ZFP1: variants seen among roughly 807,000 people sequenced by gnomAD.
ZFP1 encodes zinc finger protein 1 homolog.
In ZFP1, 32 loss-of-function variants were observed where a neutral mutation model predicts 38.5. That is an observed-to-expected ratio of 0.83 (90% CI 0.63 to 1.12). ZFP1 has a LOEUF of 1.12. Ranked by LOEUF, ZFP1 falls within the 50% of genes most tolerant of loss-of-function variation. ZFP1 has a pLI of 0.00. For synonymous variants in ZFP1, 245 were observed against 168.8 expected (o/e 1.45, Z -3.50); for missense variants, 616 against 480.8 (o/e 1.28, Z -2.63).
chr16:75,170,542 C>A lies in ZFP1; in HGVS notation c.*208C>A. Reference sequence around the variant, plus strand: ...TAAAGAATACATATCAGAATATATCCAGTTGTAAATAGCCATACCCAGTTG... The same window carrying A: ...TAAAGAATACATATCAGAATATATCAAGTTGTAAATAGCCATACCCAGTTG... On this transcript the variant is annotated 3_prime_UTR_variant, in exon 4 of 4. Transcript: ENST00000570010. 1 of 704,776 alleles carries A rather than the reference C, an allele frequency of 1.4e-6. No individual in the cohort carries two copies. Among genetic ancestry groups the A allele is most frequent in the Non-Finnish European group, 2.1e-6 (1 of 484,380 alleles). 43.7% of individuals were successfully genotyped at this position (704,776 alleles called of 1,614,324 possible).
At chr16:75,162,568 G>C (rs1172060959) in intron 2 of ZFP1, among the ~76,000 whole-genome samples, 1 of 152,114 alleles carries the variant, frequency 6.6e-6, no homozygotes, top group Non-Finnish European at 1.5e-5. Context: ...GTGCAGATTT[G>C]TTACATAGAT....
At chr16:75,165,403 G>A (rs1403836194) in intron 2 of ZFP1, among the ~76,000 whole-genome samples, 3 of 151,958 alleles carry the variant, frequency 2.0e-5, no homozygotes, top group Non-Finnish European at 4.4e-5. Context: ...TTTCCTCTGG[G>A]TTTTTTTCTG....
At chr16:75,131,373 C>T in the ZFP1 span, among the ~76,000 whole-genome samples, 2 of 152,106 alleles carry the variant, frequency 1.3e-5, no homozygotes, top group African/African-American at 2.4e-5. Flanking sequence ...TTCATATTCA[C>T]CCTCCCCGGG....
chr16:75,139,387 A>AAAAAAAAAAAAAACAAAAAC, the ZFP1 span, among the ~76,000 whole-genome samples: 6 of 144,224 alleles, frequency 4.2e-5, no homozygotes, highest in African/African-American at 1.7e-4. Flanking sequence ...AAAAAAAAAA[A>AAAAAAAAAAAAAACAAAAAC]AAAAAAAAAC....
chr16:75,169,494 A>G lies in ZFP1; in HGVS notation c.384A>G (p.Gly128=), dbSNP rs1292324265. The G allele has an allele frequency of 1.2e-6, 2 of 1,613,238 alleles. No individual in the cohort carries two copies. Among genetic ancestry groups the G allele is most frequent in the Non-Finnish European group, 1.7e-6 (2 of 1,179,866 alleles). ...DLLNSNRSYA[G]KQTDECNEFG... is the part of the protein sequence containing the mutation. ...TTAATAGTAATAGAAGCTATGCAGG[A>G]AAGCAGACTGATGAGTGTAATGAAT... The change falls in exon 4 of 4, where the codon GGA becomes GGG. Residue 128 remains glycine (G), a synonymous_variant. Transcript: ENST00000570010.
chr16:75,138,964 C>G, the ZFP1 span, among the ~76,000 whole-genome samples: 1 of 152,136 alleles, frequency 6.6e-6, no homozygotes, highest in Admixed American at 6.6e-5. Context: ...CACTTTACCT[C>G]TAGGATCTTC....
chr16:75,146,589 A>G (rs891317434), upstream of ZFP1, among the ~76,000 whole-genome samples: 1 of 152,176 alleles, frequency 6.6e-6, no homozygotes, highest in Non-Finnish European at 1.5e-5. Context: ...TATCTTCAGT[A>G]GGTGAATGGA....
At chr16:75,126,856 C>T in the ZFP1 span, among the ~76,000 whole-genome samples, 1 of 152,064 alleles carries the variant, frequency 6.6e-6, no homozygotes, top group African/African-American at 2.4e-5. Flanking sequence ...AATAGGTTCT[C>T]TAAAATCCAA....
At chr16:75,163,903 C>G (rs780645264) in intron 2 of ZFP1, among the ~76,000 whole-genome samples, 3 of 152,200 alleles carry the variant, frequency 2.0e-5, no homozygotes, top group African/African-American at 7.2e-5. Context: ...AGCCACAGCA[C>G]CGGCACTGTT....
the ZFP1 span, among the ~76,000 whole-genome samples, chr16:75,129,490 T>G: frequency 1.3e-5 from 2 of 152,196 alleles, no homozygotes; most frequent in Non-Finnish European, 2.9e-5. Context: ...AAGTCACCCC[T>G]CTGCTCACTG....
intron 2 of ZFP1, chr16:75,166,497 G>C (rs1343299157): frequency 1.0e-6 from 1 of 976,072 alleles, no homozygotes; most frequent in African/African-American, 1.8e-5. Flanking sequence ...CCAAAGTGCT[G>C]GGATTACAGG....
chr16:75,154,416 G>A (rs1597044163), intron 2 of ZFP1, among the ~76,000 whole-genome samples: 1 of 152,114 alleles, frequency 6.6e-6, no homozygotes, highest in African/African-American at 2.4e-5. Context: ...TCTGTGTGCA[G>A]GTTTTTTGGG....
upstream of ZFP1, among the ~76,000 whole-genome samples, chr16:75,145,083 C>A (rs1197259384): frequency 6.6e-6 from 1 of 152,206 alleles, no homozygotes; most frequent in Non-Finnish European, 1.5e-5. Context: ...GAATAATATT[C>A]CACTGTATCC....
In ZFP1 at chr16:75,170,399, A is replaced by T. The variant is rs1485169871; in HGVS notation, c.*65A>T. 8 of 1,496,046 alleles carry T rather than the reference A, an allele frequency of 5.3e-6. No homozygotes were observed. Among genetic ancestry groups the T allele is most frequent in the Non-Finnish European group, 7.1e-6 (8 of 1,123,258 alleles). The allele number at this position is 1,496,046 out of a possible 1,614,324, so 92.7% of individuals were successfully genotyped here. On this transcript the variant is annotated 3_prime_UTR_variant, in exon 4 of 4. Coordinates refer to ENST00000570010, the MANE Select transcript of ZFP1 (RefSeq NM_153688.4). Reference sequence around the variant, plus strand: ...ACTCTTCAAGCGGGTGAAAAACCTCATGACAGTATTGAGGGAACATGGGAA... The same window carrying T: ...ACTCTTCAAGCGGGTGAAAAACCTCTTGACAGTATTGAGGGAACATGGGAA...
the ZFP1 span, among the ~76,000 whole-genome samples, chr16:75,127,447 A>C: frequency 2.6e-5 from 4 of 152,164 alleles, no homozygotes; most frequent in Non-Finnish European, 5.9e-5. Context: ...CAGTCTCCCA[A>C]GTAGCTGGGA....
chr16:75,159,322 T>C (rs1466635916), intron 2 of ZFP1, among the ~76,000 whole-genome samples: 3 of 5,206 alleles, frequency 5.8e-4, no homozygotes, highest in Non-Finnish European at 8.4e-4. Flanking sequence ...CTTTCCCTCC[T>C]TTCCCTCCCT....
the ZFP1 span, among the ~76,000 whole-genome samples, chr16:75,141,525 A>G: frequency 2.8e-3 from 422 of 152,044 alleles, 2 homozygotes; most frequent in Non-Finnish European, 5.0e-3. Context: ...CATTCTTGTC[A>G]TATCCAACTA....
chr16:75,166,358 C>A (rs929569690), intron 2 of ZFP1, among the ~76,000 whole-genome samples: 1 of 152,162 alleles, frequency 6.6e-6, no homozygotes, highest in Non-Finnish European at 1.5e-5. Context: ...TCAGCTCCCC[C>A]ACGTAGCTGG....
At chr16:75,150,580 G>A (rs998506537) in intron 1 of ZFP1, among the ~76,000 whole-genome samples, 1 of 152,004 alleles carries the variant, frequency 6.6e-6, no homozygotes, top group East Asian at 1.9e-4. Context: ...ACTGTGTTAC[G>A]AATTTCAATT....
Sources: gnomAD v4.1 joint callset for allele counts (sites outside exome capture counted in the v4.1 genomes callset) on GRCh38, gnomAD v4.1.1 for gene constraint, MANE v1.5 for transcripts, NCBI Gene and HGNC (gene_info 2026-07-23, HGNC 2026-07-21) for gene names.